The following HECTD2 variants were observed in gnomAD, a reference collection of about 807,000 sequenced individuals.
The protein encoded by HECTD2 is probable E3 ubiquitin-protein ligase HECTD2.
In HECTD2, 35 loss-of-function variants were observed where a neutral mutation model predicts 103.2. The ratio of observed to expected loss-of-function variants is 0.34; its 90% CI spans 0.26 to 0.45. HECTD2 has a LOEUF of 0.45. HECTD2 is among the 20% of genes least tolerant of loss of function. The pLI is 1.00. For missense variants in HECTD2, 596 were observed against 937.4 expected (o/e 0.64, Z 4.76); for synonymous variants, 281 against 329.9 (o/e 0.85, Z 1.61).
intron 5 of HECTD2, among the ~76,000 whole-genome samples, chr10:91,473,141 T>C (rs1326290478): frequency 6.6e-6 from 1 of 152,090 alleles, no homozygotes. Flanking sequence ...AAATATATAC[T>C]AAGCAAGATA....
intron 3 of HECTD2, 122 bp from the exon 4 acceptor site, chr10:91,461,132 G>A (rs924925186): frequency 2.0e-6 from 1 of 508,188 alleles, no homozygotes; most frequent in Non-Finnish European, 3.5e-6. Context: ...TATTAACTGG[G>A]ACATATTTCT....
intron 1 of HECTD2, among the ~76,000 whole-genome samples, chr10:91,411,634 C>T (rs944432181): frequency 2.0e-5 from 3 of 152,120 alleles, no homozygotes; most frequent in African/African-American, 7.2e-5. Context: ...GTAGGTTTTT[C>T]AAAAATGTCT....
At chr10:91,423,363 TGTA>T (rs916355598) in intron 1 of HECTD2, among the ~76,000 whole-genome samples, 2 of 152,190 alleles carry the variant, frequency 1.3e-5, no homozygotes, top group Non-Finnish European at 2.9e-5. Context: ...AAGTAGGTAC[TGTA>T]GTAGTAGGTG....
At chr10:91,501,852 GTTAATGCA>G (rs1232276320) in intron 20 of HECTD2, among the ~76,000 whole-genome samples, 1 of 151,362 alleles carries the variant, frequency 6.6e-6, no homozygotes, top group African/African-American at 2.4e-5. Context: ...TTCTAGCAGT[GTTAATGCA>G]TTAATGCTTA....
chr10:91,469,869 T>A (rs906480686), intron 5 of HECTD2, among the ~76,000 whole-genome samples: 6 of 152,094 alleles, frequency 3.9e-5, no homozygotes. Context: ...AGTAAAGCAA[T>A]GGAGAAAGCT....
chr10:91,456,809 A>C (rs1845118842), intron 2 of HECTD2, among the ~76,000 whole-genome samples: 1 of 152,106 alleles, frequency 6.6e-6, no homozygotes, highest in Non-Finnish European at 1.5e-5. Context: ...GTAGGAAAAG[A>C]AGAGAAAATC....
intron 2 of HECTD2, among the ~76,000 whole-genome samples, chr10:91,456,553 T>C (rs945369754): frequency 2.0e-5 from 3 of 152,290 alleles, no homozygotes; most frequent in South Asian, 2.1e-4. Context: ...CTTTTCCTAA[T>C]TGAATACCCT....
At chr10:91,418,875 C>T (rs570775068) in intron 1 of HECTD2, among the ~76,000 whole-genome samples, 1 of 152,092 alleles carries the variant, frequency 6.6e-6, no homozygotes. Flanking sequence ...GTTTATTTAT[C>T]AGTCTTTTGT....
intron 2 of HECTD2, among the ~76,000 whole-genome samples, chr10:91,426,459 C>G (rs1554866584): frequency 6.6e-6 from 1 of 152,040 alleles, no homozygotes; most frequent in Non-Finnish European, 1.5e-5. Flanking sequence ...GTTTGACACT[C>G]TAAGCCAGTG....
At chr10:91,417,523 C>T (rs993580983) in intron 1 of HECTD2, among the ~76,000 whole-genome samples, 1 of 151,936 alleles carries the variant, frequency 6.6e-6, no homozygotes, top group Non-Finnish European at 1.5e-5. Flanking sequence ...CCTCCCCGCC[C>T]CCCCACAACA....
At chr10:91,504,314 T>G (rs553713598) in intron 20 of HECTD2, among the ~76,000 whole-genome samples, 1 of 151,866 alleles carries the variant, frequency 6.6e-6, no homozygotes, top group African/African-American at 2.4e-5. Flanking sequence ...AGGCTTCAGA[T>G]GATCAAATTA....
chr10:91,499,053 A>G lies in HECTD2; in HGVS notation c.1853A>G (p.Gln618Arg). The change falls in exon 18 of 21, where the codon CAG becomes CGG. Residue 618 changes from glutamine (Q) to arginine (R), a missense_variant. Physicochemically the swap from Gln to Arg is conservative, Grantham distance 43. Around this residue, in one of 4 missense-constraint regions of HECTD2, gnomAD observed 303 missense variants for 522.5 expected, o/e 0.58. Coordinates refer to ENST00000298068, the MANE Select transcript of HECTD2 (RefSeq NM_182765.6). ...VTNQNRKEYV[Q>R]LYTDFLLNKS... The stretch of plus-strand genomic sequence containing the variant: ...TAAAATTGCTTTTCAGAATATGTAC[A>G]GCTTTATACTGACTTCCTTCTGAAC... 1 of 1,608,518 alleles carries G rather than the reference A, an allele frequency of 6.2e-7. No individual in the cohort carries two copies.
At chr10:91,479,968 T>C (rs80032692) in intron 6 of HECTD2, among the ~76,000 whole-genome samples, 2,402 of 152,248 alleles carry the variant, frequency 0.016, 58 homozygotes, top group African/African-American at 0.055. Flanking sequence ...CATTTTTTAT[T>C]GCAGATTTGC....
At chr10:91,417,010 T>C (rs1843154242) in intron 1 of HECTD2, among the ~76,000 whole-genome samples, 1 of 152,226 alleles carries the variant, frequency 6.6e-6, no homozygotes, top group Admixed American at 6.5e-5. Flanking sequence ...GCAACTTCTT[T>C]TGGCATAGTG....
chr10:91,484,457 G>T, intron 8 of HECTD2, 50 bp from the exon 9 acceptor site: 1 of 1,572,064 alleles, frequency 6.4e-7, no homozygotes. Context: ...GATAATTTTG[G>T]AAATAGAAAA....
At chr10:91,473,208 G>C (rs2133247184) in intron 5 of HECTD2, among the ~76,000 whole-genome samples, 1 of 152,258 alleles carries the variant, frequency 6.6e-6, no homozygotes, top group African/African-American at 2.4e-5. Flanking sequence ...TACCTTATAA[G>C]TAATCAAAGG....
chr10:91,427,657 T>G (rs977526325), intron 2 of HECTD2, among the ~76,000 whole-genome samples: 1 of 152,234 alleles, frequency 6.6e-6, no homozygotes, highest in Non-Finnish European at 1.5e-5. Flanking sequence ...TTTTGAGAAG[T>G]GTCTGCTCAT....
At chr10:91,472,828 C>A (rs980110512) in intron 5 of HECTD2, among the ~76,000 whole-genome samples, 1 of 151,728 alleles carries the variant, frequency 6.6e-6, no homozygotes, top group African/African-American at 2.4e-5. Flanking sequence ...ACCTTTGATA[C>A]CAAATAAATT....
chr10:91,428,118 A>G (rs1346968601), intron 2 of HECTD2, among the ~76,000 whole-genome samples: 4 of 150,984 alleles, frequency 2.6e-5, no homozygotes, highest in South Asian at 2.1e-4. Context: ...TCCCAGCACC[A>G]TTTATTAAAT....
Sources: allele counts gnomAD v4.1 joint callset (sites outside exome capture counted in the v4.1 genomes callset), GRCh38; gene constraint gnomAD v4.1.1; regional missense constraint gnomAD v4.1.1; transcripts MANE v1.5; gene names NCBI Gene and HGNC (gene_info 2026-07-23, HGNC 2026-07-21).